Variants in MID1 observed in about 807,000 individuals in gnomAD.
MID1 encodes E3 ubiquitin-protein ligase Midline-1.
A neutral mutation model predicts 40.4 loss-of-function variants in MID1; 7 were observed. The ratio of observed to expected loss-of-function variants is 0.17; its 90% confidence interval spans 0.10 to 0.33. The LOEUF is 0.33. Ranked by LOEUF, MID1 falls within the 10% of genes least tolerant of loss-of-function variation. The pLI is 1.00. For missense variants in MID1, 367 were observed against 558.5 expected (o/e 0.66, Z 3.46); for synonymous variants, 229 against 221.2 (o/e 1.04, Z -0.31).
chrX:10,460,571 C>T (rs748319558), intron 7 of MID1, among the ~76,000 whole-genome samples: 4 of 111,146 alleles, frequency 3.6e-5, no homozygotes, highest in African/African-American at 6.6e-5. Flanking sequence ...TTCCACCCAT[C>T]AATCTCCACT....
rs762781067 is a variant in MID1 at position 10,718,998 on chromosome X, C to A, written c.-186-98579G>T. On this transcript the variant is annotated intron_variant, in intron 1 of 10. Transcript: ENST00000380785. ...AAGGCCTTTGACAAAATTCAACAAC[C>A]CTTCATGCTAAAAACTCTCAATAAA... Among the ~76,000 whole-genome samples, 515 of 111,587 alleles carry A rather than the reference C, an allele frequency of 4.6e-3. 1 individual carries two copies. The highest frequency in any genetic ancestry group is 6.8e-3 in the Non-Finnish European group (358 of 53,018).
At chrX:10,665,528 CTTT>C (rs373056802) in intron 1 of MID1, among the ~76,000 whole-genome samples, 1 of 96,461 alleles carries the variant, frequency 1.0e-5, no homozygotes, top group African/African-American at 3.8e-5. Context: ...CAAATAGCCA[CTTT>C]TTTTTTTTTT....
At chrX:10,591,184 G>A (rs1300140730) in intron 1 of MID1, among the ~76,000 whole-genome samples, 1 of 112,300 alleles carries the variant, frequency 8.9e-6, no homozygotes, top group Non-Finnish European at 1.9e-5. Context: ...TACTTATTTT[G>A]ACTATAAATA....
intron 1 of MID1, among the ~76,000 whole-genome samples, chrX:10,793,073 G>A (rs1331155138): frequency 8.9e-6 from 1 of 112,258 alleles, no homozygotes; most frequent in East Asian, 2.8e-4. Flanking sequence ...TTCAGTAACT[G>A]CAATAGCTCC....
chrX:10,774,048 A>G (rs1332927809), intron 1 of MID1, among the ~76,000 whole-genome samples: 3 of 111,946 alleles, frequency 2.7e-5, no homozygotes, highest in African/African-American at 9.8e-5. Context: ...AAGTTCCTTC[A>G]GAAGGAGGAA....
At chrX:10,568,536 C>T (rs984606693) in intron 1 of MID1, among the ~76,000 whole-genome samples, 1 of 111,218 alleles carries the variant, frequency 9.0e-6, no homozygotes, top group African/African-American at 3.3e-5. Flanking sequence ...GCTGAGGGAC[C>T]CTTTTGGCCA....
chrX:10,531,938 G>A (rs182055175), intron 2 of MID1, among the ~76,000 whole-genome samples: 5 of 112,205 alleles, frequency 4.5e-5, no homozygotes, highest in Non-Finnish European at 1.9e-5. Context: ...TATATTACTA[G>A]AATCCTTTCA....
At chrX:10,764,889 T>C (rs2043709530) in intron 1 of MID1, among the ~76,000 whole-genome samples, 1 of 111,969 alleles carries the variant, frequency 8.9e-6, no homozygotes, top group African/African-American at 3.2e-5. Context: ...GGAATATCAA[T>C]GGTAATATAT....
chrX:10,517,190 C>G (rs1932493311), intron 3 of MID1, among the ~76,000 whole-genome samples: 1 of 111,377 alleles, frequency 9.0e-6, no homozygotes, highest in South Asian at 3.8e-4. Context: ...GGAGGTGCCT[C>G]TGTGCTGTGA....
At chrX:10,720,748 C>T (rs1047786745) in intron 1 of MID1, among the ~76,000 whole-genome samples, 4 of 110,170 alleles carry the variant, frequency 3.6e-5, no homozygotes, top group East Asian at 2.8e-4. Context: ...CACATGCACA[C>T]GTATGTTTAT....
intron 1 of MID1, among the ~76,000 whole-genome samples, chrX:10,823,969 T>C (rs912239608): frequency 1.8e-5 from 2 of 112,363 alleles, no homozygotes; most frequent in African/African-American, 6.5e-5. Flanking sequence ...TATTATTTTA[T>C]TCACAGAAGG....
chrX:10,762,350 G>A (rs2043685477), intron 1 of MID1, among the ~76,000 whole-genome samples: 2 of 111,532 alleles, frequency 1.8e-5, no homozygotes, highest in South Asian at 7.5e-4. Flanking sequence ...CCAAAAGGAT[G>A]ATTTACCAAA....
chrX:10,789,314 T>C (rs930633376), intron 1 of MID1, among the ~76,000 whole-genome samples: 1 of 112,670 alleles, frequency 8.9e-6, no homozygotes, highest in East Asian at 2.8e-4. Context: ...CTTATCTTAT[T>C]TTACATCTGT....
chrX:10,800,836 A>C (rs903349844), intron 1 of MID1, among the ~76,000 whole-genome samples: 1 of 112,226 alleles, frequency 8.9e-6, no homozygotes, highest in African/African-American at 3.2e-5. Flanking sequence ...ATATAAATGA[A>C]CAAAGAGCAA....
At chrX:10,578,848 T>G (rs1934936524) in intron 1 of MID1, among the ~76,000 whole-genome samples, 1 of 112,110 alleles carries the variant, frequency 8.9e-6, no homozygotes, top group Non-Finnish European at 1.9e-5. Context: ...CAGTCACAGA[T>G]GAAAAGCTTT....
rs1929700344 is a variant in MID1 at position 10,471,396 on chromosome X, T to C, written c.1142-1556A>G. Among the ~76,000 whole-genome samples, 5 of 112,542 alleles carry C rather than the reference T, an allele frequency of 4.4e-5. No homozygotes were observed. The South Asian group carries it at 1.5e-3, about 33-fold the overall frequency. Reference sequence around the variant, plus strand: ...AGCAAGTCTACGGTATTAAGTCAATTAGCTTAGCTTTATCTATTGGTTCTG... The same window carrying C: ...AGCAAGTCTACGGTATTAAGTCAATCAGCTTAGCTTTATCTATTGGTTCTG... On this transcript the variant is annotated intron_variant, in intron 6 of 9. Coordinates refer to ENST00000317552, the MANE Select transcript of MID1 (RefSeq NM_000381.4).
chrX:10,826,439 T>C (rs1169070095), intron 1 of MID1, among the ~76,000 whole-genome samples: 2 of 112,278 alleles, frequency 1.8e-5, no homozygotes, highest in African/African-American at 6.5e-5. Context: ...GTTTTTGTAA[T>C]TACTTTTAAC....
At chrX:10,713,083 C>A (rs1160009021) in intron 1 of MID1, among the ~76,000 whole-genome samples, 1 of 111,493 alleles carries the variant, frequency 9.0e-6, no homozygotes, top group Non-Finnish European at 1.9e-5. Flanking sequence ...GATCCACCCA[C>A]CTTGGCCTCC....
At chrX:10,608,471 A>G (rs1480986331) in intron 1 of MID1, among the ~76,000 whole-genome samples, 1 of 111,969 alleles carries the variant, frequency 8.9e-6, no homozygotes, top group African/African-American at 3.3e-5. Context: ...GTGAGCGGGA[A>G]AAAATGTCAA....
Sources: allele counts gnomAD v4.1 joint callset (sites outside exome capture counted in the v4.1 genomes callset), GRCh38; gene constraint gnomAD v4.1.1; transcripts MANE v1.5; gene names NCBI Gene and HGNC (gene_info 2026-07-23, HGNC 2026-07-21).